TNS3: variants seen among roughly 807,000 people sequenced by gnomAD.
TNS3 encodes the protein tensin-3.
Under a neutral mutation model 140.9 loss-of-function variants are expected in TNS3, and 45 were observed. That is an observed-to-expected ratio of 0.32 (90% confidence interval 0.25 to 0.41). The LOEUF (loss-of-function observed/expected upper bound fraction) is 0.41. TNS3 is among the 10% of genes least tolerant of loss of function. TNS3 has a pLI of 1.00. For missense variants in TNS3, 1,716 were observed against 1,906.7 expected, an observed-to-expected ratio of 0.90 and a Z score of 1.86; for synonymous variants, 815 against 788.4, an observed-to-expected ratio of 1.03 and a Z score of -0.56.
At chr7:47,493,551 G>A (rs372870023) in intron 3 of TNS3, among the ~76,000 whole-genome samples, 191 of 152,020 alleles carry the variant, frequency 1.3e-3, no homozygotes, top group African/African-American at 4.2e-3. Flanking sequence ...GGGCGCGGTG[G>A]CTCACACCTG....
intron 5 of TNS3, among the ~76,000 whole-genome samples, chr7:47,440,777 T>C (rs1272008166): frequency 6.6e-6 from 1 of 152,208 alleles, no homozygotes; most frequent in Admixed American, 6.5e-5. Flanking sequence ...GCCAGAGGCA[T>C]GGGTGCACGG....
Position 47,396,684 on chromosome 7 carries a change from G to C in TNS3, c.1024+116C>G. 6.0e-6 allele frequency: 5 copies of C among 835,286 alleles called. No individual in the cohort carries two copies. In the South Asian group the frequency reaches 7.6e-5, roughly 13 times the overall value. The allele number at this position is 835,286 out of a possible 1,614,324, so 51.7% of individuals were successfully genotyped here. On this transcript the variant is annotated intron_variant, in intron 16 of 30. Coordinates refer to ENST00000311160, the MANE Select transcript of TNS3 (RefSeq NM_022748.12). ...CGAAGGTGTGATTCTGGACCTCTGA[G>C]AAAACAGGGGAAATTTTTTCTTCTT...
intron 20 of TNS3, among the ~76,000 whole-genome samples, chr7:47,336,019 C>A (rs535067857): frequency 6.6e-6 from 1 of 152,298 alleles, no homozygotes; most frequent in Admixed American, 6.5e-5. Context: ...CAGTTTCCAA[C>A]AGCTGAGTGT....
chr7:47,416,005 C>T (rs142540205), intron 10 of TNS3, among the ~76,000 whole-genome samples: 7 of 152,386 alleles, frequency 4.6e-5, no homozygotes, highest in Admixed American at 2.6e-4. Context: ...CCTGGCCTGT[C>T]CTGCCTGTTG....
chr7:47,291,091 C>T (rs1785671846), intron 27 of TNS3, among the ~76,000 whole-genome samples: 1 of 152,112 alleles, frequency 6.6e-6, no homozygotes, highest in African/African-American at 2.4e-5. Flanking sequence ...AGGCTATGAA[C>T]TGTATGGTTT....
At chr7:47,528,764 G>A (rs1349986930) in intron 2 of TNS3, among the ~76,000 whole-genome samples, 1 of 152,188 alleles carries the variant, frequency 6.6e-6, no homozygotes, top group African/African-American at 2.4e-5. Context: ...CTTCAGAGCA[G>A]ACCTGAGAAT....
At chr7:47,453,005 G>A (rs894281718) in intron 4 of TNS3, 41 of 985,362 alleles carry the variant, frequency 4.2e-5, no homozygotes, top group Admixed American at 1.8e-4. Context: ...CCTACGTTTC[G>A]CTCCTTCCCC....
intron 1 of TNS3, among the ~76,000 whole-genome samples, chr7:47,539,961 C>G (rs986142876): frequency 1.3e-4 from 20 of 152,188 alleles, no homozygotes; most frequent in African/African-American, 4.6e-4. Context: ...GACTCAGAAG[C>G]CAGGGCACAG....
chr7:47,581,058 A>G (rs552522673), intron 1 of TNS3, among the ~76,000 whole-genome samples: 2 of 152,082 alleles, frequency 1.3e-5, no homozygotes, highest in South Asian at 4.2e-4. Context: ...TGGCGCTTTG[A>G]GTTTTTCAAC....
At chr7:47,478,743 G>A (rs1360491608) in intron 4 of TNS3, among the ~76,000 whole-genome samples, 1 of 152,054 alleles carries the variant, frequency 6.6e-6, no homozygotes, top group Non-Finnish European at 1.5e-5. Context: ...GCACATGTAT[G>A]TATTCATGTG....
chr7:47,441,875 C>T lies in TNS3; in HGVS notation c.-23+128G>A, dbSNP rs186540977. The T allele has an allele frequency of 3.6e-3, 2,473 of 679,140 alleles. 5 individuals are homozygous for T. The highest frequency in any genetic ancestry group is 4.8e-3 in the Non-Finnish European group (2,090 of 437,536). 42.1% of individuals were successfully genotyped at this position (679,140 alleles called of 1,614,324 possible). A position where few individuals can be genotyped will look rare whatever the true frequency, so the allele number is the denominator to read the frequency against. ...CCTGGCCTGTATCACCTTTGATTGG[C>T]AATGTTTACAACCAAAGCAGAAATT... On this transcript the variant is annotated intron_variant, in intron 5 of 30. Transcript: ENST00000311160.
chr7:47,510,603 G>A (rs1798572070), intron 2 of TNS3, among the ~76,000 whole-genome samples: 1 of 152,180 alleles, frequency 6.6e-6, no homozygotes, highest in South Asian at 2.1e-4. Context: ...GCCAGGTGCG[G>A]TGGCTCACGC....
chr7:47,459,705 G>A (rs1329107129), intron 4 of TNS3, among the ~76,000 whole-genome samples: 1 of 152,064 alleles, frequency 6.6e-6, no homozygotes, highest in Non-Finnish European at 1.5e-5. Context: ...GGAGGGGCAG[G>A]GCAGTGGAAG....
Position 47,369,076 on chromosome 7 carries a change from C to A in TNS3, c.1570G>T (p.Gly524Cys). The A allele has an allele frequency of 6.2e-7, 1 of 1,614,106 alleles. No individual in the cohort carries two copies. Among genetic ancestry groups the A allele is most frequent in the South Asian group, 1.1e-5 (1 of 91,076 alleles). The change falls in exon 17 of 31, where the codon GGT (glycine) becomes TGT (cysteine). Residue 524 changes from glycine to cysteine, a missense_variant. This residue lies in a region of TNS3 where 1,163 missense variants were observed against 1,182.1 expected (regional missense o/e 0.98). Coordinates refer to ENST00000311160, the MANE Select transcript of TNS3 (RefSeq NM_022748.12). ...KSSQNSLLSD[G>C]FGSNVGEDPQ... ...TCTTCACCAACGTTGCTGCCAAAAC[C>A]GTCAGATAGGAGTGAGTTCTGGCTG...
rs767437451 is a variant in TNS3 at position 47,435,385 on chromosome 7, G to T, written c.221C>A (p.Pro74Gln). Residue 74 changes from proline to glutamine, a missense_variant, in exon 8 of 31, where the codon CCA becomes CAA. By Grantham distance (76) the Pro-to-Gln change is moderately conservative (BLOSUM62 -1). Transcript: ENST00000311160. Reference sequence around the variant, plus strand: ...ATCCAGGGGCGGTGCGTGGAGCTCTGGCCAGCCCACATCCATGATCTGCAA... The same window carrying T: ...ATCCAGGGGCGGTGCGTGGAGCTCTTGCCAGCCCACATCCATGATCTGCAA... ...LNPKIMDVGW[P>Q]ELHAPPLDKM... 2.7e-5 allele frequency: 43 copies of T among 1,613,758 alleles called. No homozygotes were observed. Among genetic ancestry groups the T allele is most frequent in the Non-Finnish European group, 3.6e-5 (43 of 1,179,982 alleles).
chr7:47,526,908 G>A (rs538393381), intron 2 of TNS3, among the ~76,000 whole-genome samples: 38 of 152,294 alleles, frequency 2.5e-4, no homozygotes, highest in African/African-American at 9.1e-4. Flanking sequence ...TCACACTTGG[G>A]AGTCAAAGTT....
At chr7:47,536,884 G>A (rs886581876) in intron 1 of TNS3, among the ~76,000 whole-genome samples, 1 of 152,182 alleles carries the variant, frequency 6.6e-6, no homozygotes, top group Admixed American at 6.5e-5. Flanking sequence ...AAGGGCACAC[G>A]CATACACATG....
At chr7:47,460,237 A>G (rs1288507368) in intron 4 of TNS3, among the ~76,000 whole-genome samples, 1 of 147,302 alleles carries the variant, frequency 6.8e-6, no homozygotes, top group African/African-American at 2.5e-5. Context: ...AAAAAAAAAA[A>G]GAAGAGGAGA....
intron 20 of TNS3, among the ~76,000 whole-genome samples, chr7:47,317,605 T>C (rs1012135551): frequency 6.6e-6 from 1 of 152,248 alleles, no homozygotes; most frequent in East Asian, 1.9e-4. Context: ...GGGACTCACA[T>C]AGTCCCTTAG....
Sources: allele counts gnomAD v4.1 joint callset (sites outside exome capture counted in the v4.1 genomes callset), GRCh38; gene constraint gnomAD v4.1.1; regional missense constraint gnomAD v4.1.1; transcripts MANE v1.5; gene names NCBI Gene and HGNC (gene_info 2026-07-23, HGNC 2026-07-21).